BAALC: variants seen among roughly 807,000 people sequenced by gnomAD.
BAALC encodes the protein brain and acute leukemia cytoplasmic protein.
Under a neutral mutation model 15.5 loss-of-function variants are expected in BAALC, and 9 were observed. That is an observed-to-expected ratio of 0.58 (90% CI 0.35 to 1.02). The LOEUF is 1.02. BAALC is among the 50% of genes least tolerant of loss of function. The pLI is 0.02. For missense variants in BAALC, 201 were observed against 192.4 expected (o/e 1.04, Z -0.27); for synonymous variants, 80 against 74.6 (o/e 1.07, Z -0.37).
intron 2 of BAALC, among the ~76,000 whole-genome samples, chr8:103,214,769 A>C (rs1812522140): frequency 6.6e-6 from 1 of 152,248 alleles, no homozygotes; most frequent in Admixed American, 6.5e-5. Flanking sequence ...AAGGATTAAC[A>C]GGGGATAGTT....
chr8:103,202,074 C>CT, intron 1 of BAALC, among the ~76,000 whole-genome samples: 1 of 152,208 alleles, frequency 6.6e-6, no homozygotes, highest in Middle Eastern at 3.4e-3. Context: ...ATTTTGTTTA[C>CT]TTTTTTCTTA....
rs1213476574 is a variant in BAALC at position 103,229,927 on chromosome 8, G to C, written c.*1828G>C. ...CAGCAGGAGCCCCCAGCTGCCAAAG[G>C]TTGGCAGTGATCCTGCAAGTTCAAG... is the stretch of plus-strand genomic sequence containing the variant. On this transcript the variant is annotated 3_prime_UTR_variant, in exon 3 of 3. Transcript: ENST00000309982. The C allele has an allele frequency of 6.6e-6, 1 of 152,174 alleles. No homozygotes were observed. The highest frequency in any genetic ancestry group is 1.5e-5 in the Non-Finnish European group (1 of 68,028). 9.4% of individuals were successfully genotyped at this position (152,174 alleles called of 1,614,324 possible).
chr8:103,190,605 A>G (rs1329384869), intron 1 of BAALC, among the ~76,000 whole-genome samples: 2 of 152,228 alleles, frequency 1.3e-5, no homozygotes, highest in Middle Eastern at 3.2e-3. Flanking sequence ...CTTTGAAAAA[A>G]GCAAGTAAAG....
At chr8:103,153,416 T>C (rs1811023612) in intron 1 of BAALC, 1 of 152,244 alleles carries the variant, frequency 6.6e-6, no homozygotes, top group African/African-American at 2.4e-5. Flanking sequence ...AATATTTTCA[T>C]GTTTCAAGTA....
chr8:103,205,856 AG>A (rs1345827997), intron 1 of BAALC, among the ~76,000 whole-genome samples: 1 of 152,224 alleles, frequency 6.6e-6, no homozygotes, highest in Non-Finnish European at 1.5e-5. Flanking sequence ...CTGTAAAATA[AG>A]GGTAATTCTC....
At chr8:103,179,495 C>A (rs55748265) in intron 1 of BAALC, among the ~76,000 whole-genome samples, 1 of 152,192 alleles carries the variant, frequency 6.6e-6, no homozygotes, top group Non-Finnish European at 1.5e-5. Context: ...GTGCTCTATG[C>A]GGAGTCACAG....
chr8:103,209,522 G>A (rs1029665716), intron 1 of BAALC, among the ~76,000 whole-genome samples: 3 of 152,144 alleles, frequency 2.0e-5, no homozygotes, highest in Non-Finnish European at 2.9e-5. Context: ...TTGGTCTTGT[G>A]CTTCAGACAC....
At chr8:103,180,013 G>A (rs1367251529) in intron 1 of BAALC, among the ~76,000 whole-genome samples, 4 of 152,216 alleles carry the variant, frequency 2.6e-5, no homozygotes, top group African/African-American at 9.6e-5. Context: ...AAGTGAATCT[G>A]CCCACAGTGC....
At chr8:103,199,690 G>A (rs1285747772) in intron 1 of BAALC, among the ~76,000 whole-genome samples, 1 of 151,628 alleles carries the variant, frequency 6.6e-6, no homozygotes, top group African/African-American at 2.4e-5. Context: ...AGGGGTACAA[G>A]TATTAAGTTT....
intron 1 of BAALC, among the ~76,000 whole-genome samples, chr8:103,170,504 A>G (rs1477214646): frequency 6.6e-6 from 1 of 152,194 alleles, no homozygotes; most frequent in Non-Finnish European, 1.5e-5. Context: ...GGACACAGAC[A>G]CACAGAGAGG....
chr8:103,141,214 G>A, intron 1 of BAALC, 157 bp downstream of exon 1: 1 of 843,054 alleles, frequency 1.2e-6, no homozygotes, highest in Non-Finnish European at 1.7e-6. Context: ...TCAGTGGACA[G>A]ATGCAAGCCC....
chr8:103,199,126 G>A (rs866597020), intron 1 of BAALC, among the ~76,000 whole-genome samples: 3 of 152,120 alleles, frequency 2.0e-5, no homozygotes, highest in Non-Finnish European at 4.4e-5. Flanking sequence ...CAACAACCCC[G>A]TTTGTGCAAT....
chr8:103,175,673 T>A (rs1304322338), intron 1 of BAALC, among the ~76,000 whole-genome samples: 1 of 152,240 alleles, frequency 6.6e-6, no homozygotes, highest in African/African-American at 2.4e-5. Context: ...GCCAGGAAAC[T>A]GCCTTTGGGT....
intron 1 of BAALC, among the ~76,000 whole-genome samples, chr8:103,174,375 G>A (rs1023693685): frequency 7.2e-5 from 11 of 152,152 alleles, no homozygotes; most frequent in African/African-American, 2.7e-4. Flanking sequence ...ACAGCCAGGG[G>A]CCTGATGGCA....
At chr8:103,176,962 TG>T (rs1010489352) in intron 1 of BAALC, among the ~76,000 whole-genome samples, 5 of 152,136 alleles carry the variant, frequency 3.3e-5, no homozygotes, top group Admixed American at 6.5e-5. Flanking sequence ...GGTGGGTACT[TG>T]TTTCATCTCC....
At chr8:103,163,105 C>T (rs1811265340) in intron 1 of BAALC, among the ~76,000 whole-genome samples, 1 of 151,978 alleles carries the variant, frequency 6.6e-6, no homozygotes, top group Admixed American at 6.6e-5. Flanking sequence ...GGCCAATCTC[C>T]TCTGCCTACC....
At chr8:103,213,462 C>T (rs1036529495) in intron 2 of BAALC, 2 of 164,572 alleles carry the variant, frequency 1.2e-5, no homozygotes, top group Admixed American at 6.2e-5. Flanking sequence ...AAAGAGAAGA[C>T]CAGAGTGGTT....
chr8:103,196,565 G>A (rs1003753492), intron 1 of BAALC, among the ~76,000 whole-genome samples: 3 of 152,166 alleles, frequency 2.0e-5, no homozygotes, highest in African/African-American at 7.2e-5. Context: ...ACAGGTGTGA[G>A]ACACCACACC....
At chr8:103,144,737 A>G (rs1308544097) in intron 1 of BAALC, among the ~76,000 whole-genome samples, 1 of 152,238 alleles carries the variant, frequency 6.6e-6, no homozygotes, top group African/African-American at 2.4e-5. Flanking sequence ...AAATTGCTAA[A>G]TCATTGTCTT....
Sources: allele counts gnomAD v4.1 joint callset (sites outside exome capture counted in the v4.1 genomes callset), GRCh38; gene constraint gnomAD v4.1.1; transcripts MANE v1.5; gene names NCBI Gene and HGNC (gene_info 2026-07-23, HGNC 2026-07-21).